The following DNAH9 variants were observed in gnomAD, a reference collection of about 807,000 sequenced individuals.
DNAH9 encodes the protein DNAH9 variant protein.
In DNAH9, 345 loss-of-function variants were observed where a neutral mutation model predicts 471.6. That is an observed-to-expected ratio of 0.73 (90% CI 0.67 to 0.80). DNAH9 has a LOEUF of 0.80. Among genes scored for constraint, DNAH9 ranks in the 30% least tolerant of loss-of-function variants. The probability of loss-of-function intolerance (pLI) is 0.00; values close to 1 mark genes in which losing one functional copy is unlikely to be tolerated. For missense variants in DNAH9, 5,407 were observed against 5,609.2 expected (o/e 0.96, Z 1.15); for synonymous variants, 2,093 against 2,123.6 (o/e 0.99, Z 0.40).
chr17:11,863,178 A>G lies in DNAH9; in HGVS notation c.9934-5956A>G, dbSNP rs569343586. ...GGATTTGTCATAGATAGCTGTTATTATTTTGAGATACGTCCCATCAATACC... is the reference window on the plus strand; with the variant it reads ...GGATTTGTCATAGATAGCTGTTATTGTTTTGAGATACGTCCCATCAATACC... On this transcript the variant is annotated intron_variant, in intron 50 of 68. Coordinates refer to ENST00000262442, the MANE Select transcript of DNAH9 (RefSeq NM_001372.4). Among the ~76,000 whole-genome samples the G allele has an allele frequency of 3.5e-3, 534 of 152,330 alleles. 3 individuals are homozygous for G. The highest frequency in any genetic ancestry group is 0.012 in the African/African-American group (515 of 41,580).
intron 49 of DNAH9, among the ~76,000 whole-genome samples, chr17:11,836,377 T>TTTTGTA (rs1970851939): frequency 6.6e-6 from 1 of 152,182 alleles, no homozygotes; most frequent in South Asian, 2.1e-4. Context: ...TGTGAGTGCA[T>TTTTGTA]TTTTGTATTT....
chr17:11,869,763 T>C (rs1972194804), intron 51 of DNAH9, among the ~76,000 whole-genome samples: 1 of 152,156 alleles, frequency 6.6e-6, no homozygotes, highest in Non-Finnish European at 1.5e-5. Flanking sequence ...AGGGCAGCGG[T>C]GCTTGTGTTA....
intron 49 of DNAH9, among the ~76,000 whole-genome samples, chr17:11,849,893 T>C (rs1971356311): frequency 6.6e-6 from 1 of 152,232 alleles, no homozygotes; most frequent in South Asian, 2.1e-4. Flanking sequence ...CAATGATGAC[T>C]GCACACATAT....
chr17:11,668,159 T>G (rs1468898047), intron 15 of DNAH9, among the ~76,000 whole-genome samples: 2 of 152,214 alleles, frequency 1.3e-5, no homozygotes, highest in Non-Finnish European at 2.9e-5. Context: ...ATTCATACTG[T>G]TTTTAAAATT....
rs140833834 is a variant in DNAH9, at chr17:11,871,835, A to G, written c.10242+49A>G. 2.6e-5 allele frequency: 41 copies of G among 1,584,598 alleles called. No individual in the cohort carries two copies. In the East Asian group the frequency reaches 7.8e-4, roughly 30 times the overall value. On this transcript the variant is annotated intron_variant, in intron 52 of 68. Coordinates refer to ENST00000262442, the MANE Select transcript of DNAH9 (RefSeq NM_001372.4). ...CGACCACATCAGCCTCTGGGCACCA[A>G]TGGGAAGACATCACGGTCATAATTC...
chr17:11,598,573 G>GCGACTC lies in DNAH9; in HGVS notation c.77_82dup (p.Arg26_Leu27dup). On this transcript the variant is annotated inframe_insertion, in exon 1 of 69. Coordinates refer to ENST00000262442, the MANE Select transcript of DNAH9 (RefSeq NM_001372.4). ...GGGAACCCGGCGCCGACCGACGACT[G>GCGACTC]CGACTCCTGGGGACCTACGTGGCCA... 3 of 1,403,666 alleles carry GCGACTC rather than the reference G, an allele frequency of 2.1e-6. No individual in the cohort carries two copies. Among genetic ancestry groups the GCGACTC allele is most frequent in the Non-Finnish European group, 2.8e-6 (3 of 1,086,448 alleles). 87.0% of individuals were successfully genotyped at this position (1,403,666 alleles called of 1,614,324 possible).
At chr17:11,758,922 C>T (rs1327402678) in intron 35 of DNAH9, among the ~76,000 whole-genome samples, 1 of 152,068 alleles carries the variant, frequency 6.6e-6, no homozygotes, top group Non-Finnish European at 1.5e-5. Flanking sequence ...CCGTGGGTGA[C>T]CCATGGGCTC....
At chr17:11,607,205 A>C in intron 1 of DNAH9, among the ~76,000 whole-genome samples, 1 of 151,838 alleles carries the variant, frequency 6.6e-6, no homozygotes, top group East Asian at 1.9e-4. Flanking sequence ...CCTCCTATTC[A>C]CCCCGTTGAT....
At chr17:11,657,139 C>T (rs1461857594) in intron 14 of DNAH9, among the ~76,000 whole-genome samples, 2 of 152,060 alleles carry the variant, frequency 1.3e-5, no homozygotes, top group Non-Finnish European at 2.9e-5. Flanking sequence ...TAAGTAATAG[C>T]CCAGCAGTTT....
chr17:11,869,038 C>T, intron 50 of DNAH9, 96 bp from the exon 51 acceptor site: 1 of 1,456,020 alleles, frequency 6.9e-7, no homozygotes, highest in Non-Finnish European at 9.3e-7. Context: ...CAGAGTGCTT[C>T]CTTCAGAACC....
chr17:11,924,215 T>C (rs1450250065), intron 62 of DNAH9, among the ~76,000 whole-genome samples: 3 of 152,204 alleles, frequency 2.0e-5, no homozygotes, highest in East Asian at 1.9e-4. Flanking sequence ...CCCACTCTAA[T>C]AGGCGTTCAG....
intron 61 of DNAH9, among the ~76,000 whole-genome samples, chr17:11,922,190 T>C (rs1461534106): frequency 2.0e-5 from 3 of 152,258 alleles, no homozygotes; most frequent in Non-Finnish European, 4.4e-5. Flanking sequence ...TGACAGTCTA[T>C]ACATTGTTTA....
chr17:11,914,859 C>G (rs1431675161), intron 61 of DNAH9, among the ~76,000 whole-genome samples: 1 of 152,120 alleles, frequency 6.6e-6, no homozygotes, highest in East Asian at 1.9e-4. Context: ...CCTGTCATTT[C>G]AAGTGGAAGA....
At chr17:11,811,683 A>T (rs1241938071) in intron 45 of DNAH9, among the ~76,000 whole-genome samples, 1 of 151,936 alleles carries the variant, frequency 6.6e-6, no homozygotes, top group African/African-American at 2.4e-5. Context: ...TATATTTCCT[A>T]CCTCGTCTCT....
intron 2 of DNAH9, 126 bp from the exon 3 acceptor site, chr17:11,610,270 C>A: frequency 1.4e-6 from 1 of 704,982 alleles, no homozygotes; most frequent in Non-Finnish European, 2.3e-6. Flanking sequence ...AATGCATGGG[C>A]TAGATGAAAT....
chr17:11,822,379 C>T, intron 46 of DNAH9, 59 bp from the exon 47 acceptor site: 1 of 1,594,140 alleles, frequency 6.3e-7, no homozygotes, highest in African/African-American at 1.3e-5. Context: ...CCATATCTGC[C>T]TCTCCGTGAG....
rs1973374285 is a variant in DNAH9 at position 11,900,507 on chromosome 17, A to AAAAAG, written c.11407-2208_11407-2207insGAAAA. Among the ~76,000 whole-genome samples, 2 of 151,074 alleles carry AAAAAG rather than the reference A, an allele frequency of 1.3e-5. 1 individual carries two copies. The highest frequency in any genetic ancestry group is 4.9e-5 in the African/African-American group (2 of 41,146). On this transcript the variant is annotated intron_variant, in intron 59 of 68. Transcript: ENST00000262442. The stretch of plus-strand genomic sequence containing the variant: ...TCTTCTTGATCCTTCCCCTGCCAAA[A>AAAAAG]AAAAAAAAAAAATTCCCTTTCCTTC...
intron 48 of DNAH9, among the ~76,000 whole-genome samples, chr17:11,823,951 A>T (rs914920581): frequency 6.6e-6 from 1 of 150,448 alleles, no homozygotes; most frequent in East Asian, 1.9e-4. Context: ...AAGAAAGAAA[A>T]AAAGAAAGAA....
At chr17:11,767,458 T>C (rs1392829381) in intron 36 of DNAH9, among the ~76,000 whole-genome samples, 1 of 152,224 alleles carries the variant, frequency 6.6e-6, no homozygotes, top group African/African-American at 2.4e-5. Context: ...TTCAATCCTA[T>C]TTATTTAACA....
Sources: gnomAD v4.1 joint callset for allele counts (sites outside exome capture counted in the v4.1 genomes callset) on GRCh38, gnomAD v4.1.1 for gene constraint, MANE v1.5 for transcripts, NCBI Gene and HGNC (gene_info 2026-07-23, HGNC 2026-07-21) for gene names.